Variants in FREM3 observed in about 807,000 individuals in gnomAD.
The protein encoded by FREM3 is FRAS1-related extracellular matrix protein 3.
FREM3 carries 105 observed loss-of-function variants against 129.1 expected under a neutral mutation model. That is an observed-to-expected ratio of 0.81 (90% CI 0.69 to 0.96). The LOEUF is 0.96. FREM3 is among the 40% of genes least tolerant of loss of function. The pLI, the probability that FREM3 is intolerant of heterozygous loss-of-function variation, is 0.00. For synonymous variants in FREM3, 1,014 were observed against 1,044.9 expected, an observed-to-expected ratio of 0.97 and a Z score of 0.57; for missense variants, 2,593 against 2,666.3, an observed-to-expected ratio of 0.97 and a Z score of 0.61.
chr4:143,621,316 T>C (rs1392045599), intron 4 of FREM3, among the ~76,000 whole-genome samples, 154 bp from the exon 5 acceptor site: 1 of 152,168 alleles, frequency 6.6e-6, no homozygotes, highest in African/African-American at 2.4e-5. Flanking sequence ...GCATTATTTA[T>C]TATTGAGTGG....
At position 143,637,732 on chromosome 4, in the gene FREM3, G is replaced by C. The variant is rs79473049; in HGVS notation, c.5276-9972C>G. Among the ~76,000 whole-genome samples the C allele has an allele frequency of 3.5e-3, 531 of 152,252 alleles. 5 individuals are homozygous for C. Among genetic ancestry groups the C allele is most frequent in the African/African-American group, 0.012 (516 of 41,566 alleles). On this transcript the variant is annotated intron_variant, in intron 2 of 7. Coordinates refer to ENST00000329798, the MANE Select transcript of FREM3 (RefSeq NM_001168235.2). ...AATAACCCATAGGTTTTTCAGAAAA[G>C]AGGGAAAAAACCAAAAGAACAACAA...
At chr4:143,684,097 T>C (rs1560871704) in intron 2 of FREM3, among the ~76,000 whole-genome samples, 1 of 152,094 alleles carries the variant, frequency 6.6e-6, no homozygotes, top group Non-Finnish European at 1.5e-5. Context: ...ACAAAGGGCA[T>C]ATAATCTTGG....
At chr4:143,649,935 A>AT (rs1739481956) in intron 2 of FREM3, among the ~76,000 whole-genome samples, 1 of 152,232 alleles carries the variant, frequency 6.6e-6, no homozygotes, top group Non-Finnish European at 1.5e-5. Context: ...CTAGTCCATG[A>AT]TATCTACTCT....
intron 2 of FREM3, among the ~76,000 whole-genome samples, chr4:143,642,844 A>G (rs1018661535): frequency 1.3e-5 from 2 of 152,142 alleles, no homozygotes; most frequent in African/African-American, 4.8e-5. Context: ...ACACAATGGT[A>G]GGAAGTGTTT....
intron 2 of FREM3, among the ~76,000 whole-genome samples, chr4:143,662,779 T>A (rs367634219): frequency 6.6e-6 from 1 of 151,800 alleles, no homozygotes; most frequent in Admixed American, 6.6e-5. Context: ...GTATTGGGTG[T>A]ATATATATTT....
intron 5 of FREM3, among the ~76,000 whole-genome samples, chr4:143,613,875 ACTAT>A (rs1738801147): frequency 6.6e-6 from 1 of 152,188 alleles, no homozygotes. Context: ...ACTAAATATA[ACTAT>A]CTGTATTAAA....
intron 2 of FREM3, among the ~76,000 whole-genome samples, chr4:143,662,985 G>T (rs554492770): frequency 6.6e-6 from 1 of 152,064 alleles, no homozygotes; most frequent in Non-Finnish European, 1.5e-5. Flanking sequence ...ATTTCTGCAG[G>T]TGAGATGGGT....
intron 2 of FREM3, among the ~76,000 whole-genome samples, chr4:143,654,679 T>C (rs1739568468): frequency 6.6e-6 from 1 of 152,218 alleles, no homozygotes; most frequent in African/African-American, 2.4e-5. Context: ...TATTTTGCTG[T>C]ATTGTGCAAG....
chr4:143,652,563 A>T (rs992986296), intron 2 of FREM3, among the ~76,000 whole-genome samples: 3 of 152,238 alleles, frequency 2.0e-5, no homozygotes, highest in African/African-American at 7.2e-5. Context: ...TAGAAAAAAA[A>T]TCCCATTCAG....
intron 6 of FREM3, among the ~76,000 whole-genome samples, chr4:143,604,324 G>A (rs551718756): frequency 6.6e-6 from 1 of 151,912 alleles, no homozygotes; most frequent in Admixed American, 6.6e-5. Flanking sequence ...TTATAGCAAC[G>A]CAAAAGGACT....
chr4:143,656,532 A>G (rs1356090555), intron 2 of FREM3, among the ~76,000 whole-genome samples: 2 of 152,232 alleles, frequency 1.3e-5, no homozygotes, highest in South Asian at 4.1e-4. Context: ...CCTTGAAAAC[A>G]TTAGGCTAAG....
At chr4:143,664,233 T>C (rs1356083071) in intron 2 of FREM3, among the ~76,000 whole-genome samples, 1 of 152,126 alleles carries the variant, frequency 6.6e-6, no homozygotes, top group Non-Finnish European at 1.5e-5. Flanking sequence ...CTTTTGGTCA[T>C]TGATGATGGT....
At chr4:143,654,581 TAAG>T (rs1197850493) in intron 2 of FREM3, among the ~76,000 whole-genome samples, 1 of 152,194 alleles carries the variant, frequency 6.6e-6, no homozygotes, top group Non-Finnish European at 1.5e-5. Context: ...TGATTGTTGG[TAAG>T]AATAAAAAGA....
At chr4:143,578,373 C>T (rs1738076874) in intron 7 of FREM3, among the ~76,000 whole-genome samples, 1 of 152,122 alleles carries the variant, frequency 6.6e-6, no homozygotes, top group African/African-American at 2.4e-5. Context: ...CACCGTACAG[C>T]TTCTTTGCGA....
chr4:143,682,542 G>A (rs558057832), intron 2 of FREM3, among the ~76,000 whole-genome samples: 1 of 152,180 alleles, frequency 6.6e-6, no homozygotes, highest in African/African-American at 2.4e-5. Context: ...GCTTGGGTCT[G>A]CTCCCACACC....
intron 3 of FREM3, 38 bp from the exon 4 acceptor site, chr4:143,624,376 G>T: frequency 8.1e-7 from 1 of 1,230,418 alleles, no homozygotes; most frequent in Non-Finnish European, 1.1e-6. Context: ...ATAAAGCCAA[G>T]TGACTGAAGG....
At chr4:143,579,273 G>A (rs1387060118) in intron 7 of FREM3, among the ~76,000 whole-genome samples, 1 of 152,246 alleles carries the variant, frequency 6.6e-6, no homozygotes, top group East Asian at 1.9e-4. Flanking sequence ...GGCCAACCTG[G>A]TGAAACCCAT....
chr4:143,584,959 C>A (rs925685464), intron 7 of FREM3, among the ~76,000 whole-genome samples: 3 of 152,022 alleles, frequency 2.0e-5, no homozygotes, highest in Non-Finnish European at 4.4e-5. Context: ...AAATAGAAAC[C>A]AATACCATGA....
intron 2 of FREM3, among the ~76,000 whole-genome samples, chr4:143,659,494 G>T (rs1391335593): frequency 6.6e-6 from 1 of 152,102 alleles, no homozygotes; most frequent in Non-Finnish European, 1.5e-5. Context: ...TTGGACATTG[G>T]CATTGGTTCC....
Sources: gnomAD v4.1 joint callset for allele counts (sites outside exome capture counted in the v4.1 genomes callset) on GRCh38, gnomAD v4.1.1 for gene constraint, MANE v1.5 for transcripts, NCBI Gene and HGNC (gene_info 2026-07-23, HGNC 2026-07-21) for gene names.